TOMM6: variants seen among roughly 807,000 people sequenced by gnomAD.
The protein encoded by TOMM6 is translocase of outer mitochondrial membrane 6.
Under a neutral mutation model 6.0 loss-of-function variants are expected in TOMM6, and 6 were observed. That is an observed-to-expected ratio of 1.00 (90% CI 0.55 to 1.98). The LOEUF is 1.98. TOMM6 is among the 30% of genes most tolerant of loss of function. TOMM6 has a pLI of 0.00. For missense variants in TOMM6, 104 were observed against 95.3 expected, an observed-to-expected ratio of 1.09 and a Z score of -0.38; for synonymous variants, 44 against 36.3, an observed-to-expected ratio of 1.21 and a Z score of -0.76.
chr6:41,787,882 T>C, intron 1 of TOMM6, 57 bp downstream of exon 1: 5 of 1,533,964 alleles, frequency 3.3e-6, no homozygotes, highest in Non-Finnish European at 4.4e-6. Context: ...TATTTCCCCT[T>C]TCTTGCGAGG....
intron 2 of TOMM6, 32 bp downstream of exon 2, chr6:41,789,368 AG>A: frequency 6.8e-7 from 1 of 1,463,270 alleles, no homozygotes; most frequent in Non-Finnish European, 9.4e-7. Context: ...TGCGTGTCTT[AG>A]GAGACCTAGA....
chr6:41,789,086 C>G, intron 1 of TOMM6, 146 bp from the exon 2 acceptor site: 1 of 720,066 alleles, frequency 1.4e-6, no homozygotes, highest in Non-Finnish European at 2.4e-6. Flanking sequence ...TCCAAATTCC[C>G]ACGTGGGTCT....
At position 41,789,283 on chromosome 6, in the gene TOMM6, GA is replaced by G; in HGVS notation, c.182del (p.Asn61ThrfsTer2). The G allele has an allele frequency of 6.4e-7, 1 of 1,551,568 alleles. No homozygotes were observed. Among genetic ancestry groups the G allele is most frequent in the Non-Finnish European group, 8.7e-7 (1 of 1,146,994 alleles). Reference sequence around the variant, plus strand: ...TTGCTGCGGGAGTTTGGCTGGCCAGGAACTTGAGTGACATTGACCTCATGGC... The same window carrying G: ...TTGCTGCGGGAGTTTGGCTGGCCAGGACTTGAGTGACATTGACCTCATGGC... ...LFAAGVWLAR[N>X]LSDIDLMAPQ... On this transcript the variant is annotated frameshift_variant, in exon 2 of 3. Coordinates refer to ENST00000398881, the MANE Select transcript of TOMM6 (RefSeq NM_001382294.1). LOFTEE classifies it high-confidence loss of function.
At chr6:41,788,677 T>G (rs1772733635) in intron 1 of TOMM6, among the ~76,000 whole-genome samples, 1 of 147,232 alleles carries the variant, frequency 6.8e-6, no homozygotes. Flanking sequence ...GGTCTCAAAC[T>G]CCTGACTTCT....
Position 41,789,556 on chromosome 6 carries a change from A to C in TOMM6, c.*9-12A>C. On this transcript the variant is annotated splice_polypyrimidine_tract_variant and intron_variant, in intron 2 of 2. Transcript: ENST00000398881. ...TTCTAATGCCACCTGTCGTCTTATCATCTGATTGCAGACAAATGGAATCCT... is the reference window on the plus strand; with the variant it reads ...TTCTAATGCCACCTGTCGTCTTATCCTCTGATTGCAGACAAATGGAATCCT... 2.2e-6 allele frequency: 1 copy of C among 463,998 alleles called. No individual in the cohort carries two copies. The highest frequency in any genetic ancestry group is 3.4e-5 in the Admixed American group (1 of 29,450). 28.7% of individuals were successfully genotyped at this position (463,998 alleles called of 1,614,324 possible).
In TOMM6 at chr6:41,787,787, C is replaced by A; in HGVS notation, c.90C>A (p.Gly30=). 6.4e-7 allele frequency: 1 copy of A among 1,551,758 alleles called. No homozygotes were observed. Among genetic ancestry groups the A allele is most frequent in the South Asian group, 1.2e-5 (1 of 84,064 alleles). ...IPDNVGDWLR[G]VYRFATDRND... ...ACAACGTGGGAGATTGGCTTCGGGGCGTCTACCGCTTTGCCACTGATAGGA... is the reference window on the plus strand; with the variant it reads ...ACAACGTGGGAGATTGGCTTCGGGGAGTCTACCGCTTTGCCACTGATAGGA... The change falls in exon 1 of 3, where the codon GGC becomes GGA. Residue 30 remains glycine, a synonymous_variant. Coordinates refer to ENST00000398881, the MANE Select transcript of TOMM6 (RefSeq NM_001382294.1).
intron 1 of TOMM6, among the ~76,000 whole-genome samples, chr6:41,788,809 G>A (rs1193040233): frequency 7.0e-6 from 1 of 142,240 alleles, no homozygotes; most frequent in Non-Finnish European, 1.5e-5. Flanking sequence ...TGTAGTGGCG[G>A]ACCTCAGCTC....
chr6:41,787,914 T>C lies in TOMM6; in HGVS notation c.128+89T>C, dbSNP rs1010443887. Reference sequence around the variant, plus strand: ...GAGGCTGGCGCCTCAGGGTTTTTTGTTTTTGTTTTTTAACATTACCAGCAT... The same window carrying C: ...GAGGCTGGCGCCTCAGGGTTTTTTGCTTTTGTTTTTTAACATTACCAGCAT... On this transcript the variant is annotated intron_variant, in intron 1 of 2. Coordinates refer to ENST00000398881, the MANE Select transcript of TOMM6 (RefSeq NM_001382294.1). The C allele has an allele frequency of 9.3e-6, 14 of 1,500,494 alleles. No homozygotes were observed. In the South Asian group the frequency reaches 1.8e-4, roughly 19 times the overall value. 92.9% of individuals were successfully genotyped at this position (1,500,494 alleles called of 1,614,324 possible).
Position 41,787,723 on chromosome 6 carries a change from G to C in TOMM6, c.26G>C (p.Ser9Thr), listed in dbSNP as rs574630326. Residue 9 changes from serine (S) to threonine (T), a missense_variant, in exon 1 of 3, where the codon AGC becomes ACC. Ser to Thr is a moderately conservative substitution (Grantham distance 58). Coordinates refer to ENST00000398881, the MANE Select transcript of TOMM6 (RefSeq NM_001382294.1). MASSTVPV[S>T]AAGSANETPE... ...ATGGCTTCCAGCACTGTCCCGGTGAGCGCTGCTGGCTCGGCTAATGAAACT... is the reference window on the plus strand; with the variant it reads ...ATGGCTTCCAGCACTGTCCCGGTGACCGCTGCTGGCTCGGCTAATGAAACT... 9 of 1,551,598 alleles carry C rather than the reference G, an allele frequency of 5.8e-6. No homozygotes were observed. The highest frequency in any genetic ancestry group is 3.6e-5 in the South Asian group (3 of 84,060).
At chr6:41,788,514 G>C (rs1772729028) in intron 1 of TOMM6, among the ~76,000 whole-genome samples, 1 of 131,632 alleles carries the variant, frequency 7.6e-6, no homozygotes, top group African/African-American at 2.8e-5. Context: ...GTGCAGAGGC[G>C]CAATCTCGGC....
chr6:41,788,290 G>T (rs987173992), intron 1 of TOMM6, among the ~76,000 whole-genome samples: 18 of 146,412 alleles, frequency 1.2e-4, no homozygotes, highest in Middle Eastern at 3.5e-3. Flanking sequence ...GACTACGGCC[G>T]CCCGCCACCA....
chr6:41,788,363 C>T (rs530184155), intron 1 of TOMM6, among the ~76,000 whole-genome samples: 298 of 146,688 alleles, frequency 2.0e-3, no homozygotes, highest in Non-Finnish European at 3.2e-3. Context: ...CCAGGATGGT[C>T]TCGATCTCCT....
intron 1 of TOMM6, among the ~76,000 whole-genome samples, chr6:41,788,833 C>A (rs991659225): frequency 6.7e-6 from 1 of 149,962 alleles, no homozygotes; most frequent in African/African-American, 2.5e-5. Flanking sequence ...GCAGCCTCCG[C>A]CTCCCGGGTT....
chr6:41,788,153 T>TG (rs963217163), intron 1 of TOMM6, among the ~76,000 whole-genome samples: 4 of 150,444 alleles, frequency 2.7e-5, no homozygotes, highest in Non-Finnish European at 5.9e-5. Flanking sequence ...TTTGTTTTTT[T>TG]TTTTTTTTTG....
In TOMM6 at chr6:41,787,841, G is replaced by A; in HGVS notation, c.128+16G>A. On this transcript the variant is annotated intron_variant, in intron 1 of 2. Transcript: ENST00000398881. ...ACTTCCGGAGGTAACCGAGCCCGAG[G>A]AACTTGGTCCTTTTCTGGCCCTTAA... 6.4e-7 allele frequency: 1 copy of A among 1,551,608 alleles called. No homozygotes were observed. Among genetic ancestry groups the A allele is most frequent in the Non-Finnish European group, 8.7e-7 (1 of 1,146,892 alleles).
At position 41,787,759 on chromosome 6, in the gene TOMM6, C is replaced by T. The variant is rs930785897; in HGVS notation, c.62C>T (p.Pro21Leu). The T allele has an allele frequency of 1.3e-6, 2 of 1,551,750 alleles. No individual in the cohort carries two copies. The highest frequency in any genetic ancestry group is 2.7e-5 in the African/African-American group (2 of 73,176). ...AGSANETPEI[P>L]DNVGDWLRGV... The stretch of plus-strand genomic sequence containing the variant: ...TCGGCTAATGAAACTCCCGAAATAC[C>T]GGACAACGTGGGAGATTGGCTTCGG... Residue 21 changes from proline (P) to leucine (L), a missense_variant, in exon 1 of 3, where the codon CCG (proline) becomes CTG (leucine). Transcript: ENST00000398881.
rs1245336243 is a variant in TOMM6 at position 41,787,717 on chromosome 6, C to T, written c.20C>T (p.Pro7Leu). ...TCCACTATGGCTTCCAGCACTGTCCCGGTGAGCGCTGCTGGCTCGGCTAAT... is the reference window on the plus strand; with the variant it reads ...TCCACTATGGCTTCCAGCACTGTCCTGGTGAGCGCTGCTGGCTCGGCTAAT... MASSTV[P>L]VSAAGSANET... The change falls in exon 1 of 3, where the codon CCG (proline) becomes CTG (leucine). Residue 7 changes from proline to leucine, a missense_variant. Physicochemically the swap from Pro to Leu is moderately conservative, Grantham distance 98 (BLOSUM62 -3). Coordinates refer to ENST00000398881, the MANE Select transcript of TOMM6 (RefSeq NM_001382294.1). 7.7e-6 allele frequency: 12 copies of T among 1,551,594 alleles called. No homozygotes were observed. The highest frequency in any genetic ancestry group is 1.4e-5 in the African/African-American group (1 of 73,050).
At chr6:41,788,965 C>T (rs990839346) in intron 1 of TOMM6, among the ~76,000 whole-genome samples, 1 of 151,982 alleles carries the variant, frequency 6.6e-6, no homozygotes, top group Non-Finnish European at 1.5e-5. Context: ...AGGCTGGTCT[C>T]GAGCTCCTGA....
At chr6:41,788,897 C>T (rs568295093) in intron 1 of TOMM6, among the ~76,000 whole-genome samples, 1 of 151,860 alleles carries the variant, frequency 6.6e-6, no homozygotes, top group South Asian at 2.1e-4. Flanking sequence ...AGGCGCGCAC[C>T]ACCACGCCCA....
Sources: gnomAD v4.1 joint callset for allele counts (sites outside exome capture counted in the v4.1 genomes callset) on GRCh38, gnomAD v4.1.1 for gene constraint, MANE v1.5 for transcripts, NCBI Gene and HGNC (gene_info 2026-07-23, HGNC 2026-07-21) for gene names.